The following CELF5 variants were observed in gnomAD, a reference collection of about 807,000 sequenced individuals.
The protein encoded by CELF5 is CUG-BP and ETR-3 like factor 5.
CELF5 carries 6 observed loss-of-function variants against 54.9 expected under a neutral mutation model. That is an observed-to-expected ratio of 0.11 (90% confidence interval 0.06 to 0.22). The LOEUF is 0.22. Ranked by LOEUF, CELF5 falls within the 10% of genes least tolerant of loss-of-function variation. CELF5 has a pLI of 1.00. For synonymous variants in CELF5, 271 were observed against 290.9 expected (o/e 0.93, Z 0.70); for missense variants, 401 against 678.6 (o/e 0.59, Z 4.54).
At chr19:3,254,342 C>A (rs1354731951) in intron 2 of CELF5, among the ~76,000 whole-genome samples, 1 of 151,900 alleles carries the variant, frequency 6.6e-6, no homozygotes, top group African/African-American at 2.4e-5. Flanking sequence ...ACCCATCTAC[C>A]TGCCTATCCA....
intron 1 of CELF5, among the ~76,000 whole-genome samples, chr19:3,245,429 T>C (rs2079553911): frequency 6.6e-6 from 1 of 151,620 alleles, no homozygotes; most frequent in East Asian, 1.9e-4. Flanking sequence ...GGTGTGTGTG[T>C]GTGTGGTGTT....
chr19:3,285,050 G>A (rs1467407715), intron 9 of CELF5, 86 bp downstream of exon 9: 3 of 1,046,274 alleles, frequency 2.9e-6, no homozygotes, highest in Non-Finnish European at 2.8e-6. Flanking sequence ...CGGACGTGTC[G>A]TTCTTCTGTG....
In CELF5 at chr19:3,275,852, A is replaced by T; in HGVS notation, c.395-4A>T. On this transcript the variant is annotated splice_region_variant and splice_polypyrimidine_tract_variant and intron_variant, in intron 3 of 12. Transcript: ENST00000292672. The surrounding 1 kb of genome is among the most constrained non-coding windows in gnomAD (Gnocchi z 6.7). Reference sequence around the variant, plus strand: ...TCGGCTGAGGTGGGTGTCGCCGCCCACAGGGGACCGGAAGCTGTTCGTGGG... The same window carrying T: ...TCGGCTGAGGTGGGTGTCGCCGCCCTCAGGGGACCGGAAGCTGTTCGTGGG... 6.2e-7 allele frequency: 1 copy of T among 1,606,852 alleles called. No individual in the cohort carries two copies. Among genetic ancestry groups the T allele is most frequent in the African/African-American group, 1.3e-5 (1 of 74,886 alleles).
rs1568323191 is a variant in CELF5 at position 3,224,829 on chromosome 19, G to A, written c.90G>A (p.Glu30=). 1.3e-6 allele frequency: 2 copies of A among 1,580,634 alleles called. No homozygotes were observed. The highest frequency in any genetic ancestry group is 2.3e-5 in the East Asian group (1 of 42,640). The part of the protein sequence containing the change: ...RPSPVGSSGP[E]PPGGQPDGMK... ...CGCCCGTGGGCAGCAGCGGGCCCGA[G>A]CCCCCCGGGGGGCAGCCCGACGGCA... Residue 30 remains glutamate (E), a synonymous_variant, in exon 1 of 13, where the codon GAG becomes GAA. Coordinates refer to ENST00000292672, the MANE Select transcript of CELF5 (RefSeq NM_021938.4).
At chr19:3,295,224 G>A (rs545607642) in intron 12 of CELF5, 1 of 152,306 alleles carries the variant, frequency 6.6e-6, no homozygotes, top group South Asian at 2.1e-4. Context: ...TGGGGCAGGG[G>A]CGGGGGTGGG....
At chr19:3,292,958 A>C (rs1180661392) in intron 11 of CELF5, among the ~76,000 whole-genome samples, 3 of 152,162 alleles carry the variant, frequency 2.0e-5, no homozygotes, top group African/African-American at 7.2e-5. Flanking sequence ...CTGGAGACAC[A>C]GATCCTGGCT....
intron 2 of CELF5, among the ~76,000 whole-genome samples, chr19:3,266,436 A>G (rs922523457): frequency 9.2e-5 from 14 of 152,116 alleles, no homozygotes; most frequent in East Asian, 1.9e-4. Flanking sequence ...AAAAAAAAAA[A>G]AAGAAGAAGA....
At position 3,281,652 on chromosome 19, in the gene CELF5, C is replaced by T. The variant is rs1393802176; in HGVS notation, c.750+307C>T. 1.3e-5 allele frequency among the ~76,000 whole-genome samples: 2 copies of T among 152,186 alleles called. No homozygotes were observed. Among genetic ancestry groups the T allele is most frequent in the Admixed American group, 1.3e-4 (2 of 15,270 alleles). ...AGACTGATCCCAAACTGAGACCTGA[C>T]CTGATCAAGCTCCACCCTGGCTGAG... On this transcript the variant is annotated intron_variant, in intron 6 of 12. Coordinates refer to ENST00000292672, the MANE Select transcript of CELF5 (RefSeq NM_021938.4). The surrounding 1 kb of genome is among the most constrained non-coding windows in gnomAD (Gnocchi z 6.5).
intron 1 of CELF5, among the ~76,000 whole-genome samples, chr19:3,231,721 T>A (rs1267787237): frequency 1.1e-5 from 1 of 87,204 alleles, no homozygotes; most frequent in African/African-American, 4.6e-5. Context: ...AATAGATTGG[T>A]GGATGATGGG....
chr19:3,241,936 A>G (rs1212480704), intron 1 of CELF5, among the ~76,000 whole-genome samples: 3 of 151,992 alleles, frequency 2.0e-5, no homozygotes, highest in Non-Finnish European at 4.4e-5. Flanking sequence ...CGCCACGCCC[A>G]GCTAATTTTT....
At chr19:3,229,531 C>T (rs576388480) in intron 1 of CELF5, among the ~76,000 whole-genome samples, 112 of 152,196 alleles carry the variant, frequency 7.4e-4, no homozygotes, top group African/African-American at 1.6e-3. Context: ...GTAGGAGAGT[C>T]GTTGAGAGCT....
intron 2 of CELF5, among the ~76,000 whole-genome samples, chr19:3,264,316 T>TG (rs397817955): frequency 2.0e-5 from 3 of 151,574 alleles, no homozygotes; most frequent in African/African-American, 7.3e-5. Context: ...TTTTTTTTTT[T>TG]GCCTGTTTTC....
At chr19:3,230,367 A>G (rs1917197203) in intron 1 of CELF5, among the ~76,000 whole-genome samples, 1 of 152,306 alleles carries the variant, frequency 6.6e-6, no homozygotes, top group African/African-American at 2.4e-5. Flanking sequence ...TCACAGAAAC[A>G]CTTACTGTGT....
intron 10 of CELF5, among the ~76,000 whole-genome samples, chr19:3,288,848 TA>T (rs1035027534): frequency 6.6e-6 from 1 of 151,494 alleles, no homozygotes; most frequent in African/African-American, 2.4e-5. Context: ...CCTGTCCCTT[TA>T]AAAAAAAATC....
chr19:3,281,474 C>A lies in CELF5; in HGVS notation c.750+129C>A. 9.5e-7 allele frequency: 1 copy of A among 1,050,452 alleles called. No homozygotes were observed. The highest frequency in any genetic ancestry group is 1.4e-6 in the Non-Finnish European group (1 of 727,716). 65.1% of individuals were successfully genotyped at this position (1,050,452 alleles called of 1,614,324 possible). ...GTCCTCTCCTGGCGTGGCTGAACCCCAACTCCAAATTGAGACCAAGCTCAG... is the reference window on the plus strand; with the variant it reads ...GTCCTCTCCTGGCGTGGCTGAACCCAAACTCCAAATTGAGACCAAGCTCAG... On this transcript the variant is annotated intron_variant, in intron 6 of 12. Coordinates refer to ENST00000292672, the MANE Select transcript of CELF5 (RefSeq NM_021938.4). This position sits in a 1 kb window ranked among gnomAD's most constrained non-coding sequence, Gnocchi z 6.5.
intron 12 of CELF5, chr19:3,294,567 A>C (rs961809465): frequency 6.6e-6 from 1 of 152,220 alleles, no homozygotes; most frequent in African/African-American, 2.4e-5. Flanking sequence ...ACGCACCTTC[A>C]GGAACTGCCA....
intron 1 of CELF5, among the ~76,000 whole-genome samples, chr19:3,244,118 C>T (rs2079527899): frequency 6.6e-6 from 1 of 152,040 alleles, no homozygotes; most frequent in Non-Finnish European, 1.5e-5. Flanking sequence ...TACGCATTTT[C>T]ACCAGCTAGA....
chr19:3,228,696 G>A lies in CELF5; in HGVS notation c.259+3698G>A, dbSNP rs1364077634. Among the ~76,000 whole-genome samples, 19 of 151,846 alleles carry A rather than the reference G, an allele frequency of 1.3e-4. No homozygotes were observed. Among genetic ancestry groups the A allele is most frequent in the South Asian group, 6.2e-4 (3 of 4,804 alleles). ...CAGCTGCCGGCTCGACTCGGGAGGG[G>A]GGGAGGAGGAGGCTGTAGCAGGCTG... On this transcript the variant is annotated intron_variant, in intron 1 of 12. Transcript: ENST00000292672. The surrounding 1 kb of genome is among the most constrained non-coding windows in gnomAD (Gnocchi z 6.0).
At position 3,293,394 on chromosome 19, in the gene CELF5, A is replaced by G. The variant is rs2080382964; in HGVS notation, c.1406A>G (p.Lys469Arg). ...ATGAACGGCTTCCAGATCGGCATGAAGAGGCTCAAAGTCCAGCTGAAGCGG... is the reference window on the plus strand; with the variant it reads ...ATGAACGGCTTCCAGATCGGCATGAGGAGGCTCAAAGTCCAGCTGAAGCGG... ...QAMNGFQIGMKRLKVQLKRPK... is the reference protein window; with the variant it reads ...QAMNGFQIGMRRLKVQLKRPK... The change falls in exon 12 of 13, where the codon AAG becomes AGG. Residue 469 changes from lysine to arginine, a missense_variant. By Grantham distance (26) the Lys-to-Arg change is conservative. Coordinates refer to ENST00000292672, the MANE Select transcript of CELF5 (RefSeq NM_021938.4). 2 of 1,613,962 alleles carry G rather than the reference A, an allele frequency of 1.2e-6. No homozygotes were observed. The highest frequency in any genetic ancestry group is 1.3e-5 in the African/African-American group (1 of 74,930).
Sources: allele counts gnomAD v4.1 joint callset (sites outside exome capture counted in the v4.1 genomes callset), GRCh38; gene constraint gnomAD v4.1.1; non-coding constraint Gnocchi (gnomAD v3.1); transcripts MANE v1.5; gene names NCBI Gene and HGNC (gene_info 2026-07-23, HGNC 2026-07-21).